The following OR2V2 variants were observed in gnomAD, a reference collection of about 807,000 sequenced individuals.
The protein encoded by OR2V2 is olfactory receptor 2V2.
For synonymous variants in OR2V2, 161 were observed against 151.3 expected (o/e 1.06, Z -0.47); for missense variants, 392 against 392.2 (o/e 1.00, Z 0.00).
At chr5:181,153,376 G>A (rs1375015283) in intron 1 of OR2V2, among the ~76,000 whole-genome samples, 1 of 152,092 alleles carries the variant, frequency 6.6e-6, no homozygotes, top group African/African-American at 2.4e-5. Context: ...GGTGCCTCTC[G>A]ATACTAAGGT....
At position 181,157,500 on chromosome 5, in the gene OR2V2, G is replaced by A. The variant is rs1420858231; in HGVS notation, c.*1610G>A. The A allele has an allele frequency of 6.6e-6, 1 of 152,256 alleles. No homozygotes were observed. Among genetic ancestry groups the A allele is most frequent in the Non-Finnish European group, 1.5e-5 (1 of 68,050 alleles). The allele number at this position is 152,256 out of a possible 1,614,324, so 9.4% of individuals were successfully genotyped here. On this transcript the variant is annotated 3_prime_UTR_variant, in exon 2 of 2. Transcript: ENST00000641492. ...CTGAGATGAGCAAACAACTTCGGAG[G>A]AGGCTCCTTCCCTTGGGGGTTTAAT...
chr5:181,155,409 A>G lies in OR2V2; in HGVS notation c.467A>G (p.Asp156Gly), dbSNP rs573289347. The G allele has an allele frequency of 5.0e-6, 8 of 1,614,188 alleles. No individual in the cohort carries two copies. In the African/African-American group the frequency reaches 9.3e-5, roughly 19 times the overall value. The change falls in exon 2 of 2, where the codon GAT (aspartate) becomes GGT (glycine). Residue 156 changes from aspartate (D) to glycine (G), a missense_variant. Transcript: ENST00000641492. ...AGCTCCTGGGCCTTTGGGATAATCG[A>G]TGGCTTGATCCAGATGGTGGTAGTA... is the stretch of plus-strand genomic sequence containing the variant. ...TGSSWAFGII[D>G]GLIQMVVVMN...
chr5:181,148,242 C>G (rs953122759), intron 1 of OR2V2, among the ~76,000 whole-genome samples: 5 of 152,140 alleles, frequency 3.3e-5, no homozygotes, highest in African/African-American at 1.2e-4. Context: ...GTCTTACTCC[C>G]CTTTTCCTGT....
chr5:181,152,439 C>G (rs4976821), intron 1 of OR2V2, among the ~76,000 whole-genome samples: 34,445 of 152,144 alleles, frequency 0.23, 5,894 homozygotes, highest in African/African-American at 0.48. Flanking sequence ...CTCTGAACAA[C>G]TGGAGATGCT....
In OR2V2 at chr5:181,156,042, C is replaced by CTT. The variant is rs748789897; in HGVS notation, c.*154_*155dup. 4.3e-6 allele frequency: 2 copies of CTT among 468,872 alleles called. No individual in the cohort carries two copies. The highest frequency in any genetic ancestry group is 5.3e-5 in the African/African-American group (2 of 37,486). The allele number at this position is 468,872 out of a possible 1,614,324, so 29.0% of individuals were successfully genotyped here. A position where few individuals can be genotyped will look rare whatever the true frequency, so the allele number is the denominator to read the frequency against. On this transcript the variant is annotated 3_prime_UTR_variant, in exon 2 of 2. Transcript: ENST00000641492. ...GGTCTTTTTAAACACTACATCAGTT[C>CTT]TTTCTTTCTTTCTTTCTTTCTTTCT...
chr5:181,150,239 C>G (rs112354986), intron 1 of OR2V2, among the ~76,000 whole-genome samples: 3 of 152,248 alleles, frequency 2.0e-5, no homozygotes, highest in African/African-American at 4.8e-5. Flanking sequence ...ATCCAAGGCT[C>G]TGCACCTGGG....
chr5:181,150,117 AC>A (rs1763175298), intron 1 of OR2V2, among the ~76,000 whole-genome samples: 1 of 151,798 alleles, frequency 6.6e-6, no homozygotes. Context: ...TCTATAGAAA[AC>A]CCCCACCACA....
Position 181,154,972 on chromosome 5 carries a change from A to G in OR2V2, c.30A>G (p.Thr10=), listed in dbSNP as rs1170809957. The part of the protein sequence containing the change: METWVNQSY[T]DGFFLLGIFS... ...AGACGTGGGTGAACCAGTCCTACAC[A>G]GATGGCTTCTTCCTCTTAGGCATCT... The change falls in exon 2 of 2, where the codon ACA becomes ACG. Residue 10 remains threonine, a synonymous_variant. Coordinates refer to ENST00000641492, the MANE Select transcript of OR2V2 (RefSeq NM_206880.2). 5.0e-6 allele frequency: 8 copies of G among 1,614,180 alleles called. No homozygotes were observed. Among genetic ancestry groups the G allele is most frequent in the African/African-American group, 1.3e-5 (1 of 75,060 alleles).
At chr5:181,153,292 G>A in intron 1 of OR2V2, among the ~76,000 whole-genome samples, 1 of 152,304 alleles carries the variant, frequency 6.6e-6, no homozygotes, top group Non-Finnish European at 1.5e-5. Flanking sequence ...CGTCAAGGAT[G>A]CTTTGTCTTT....
chr5:181,150,977 GA>G lies in OR2V2; in HGVS notation c.-25+2988del, dbSNP rs546460550. The stretch of plus-strand genomic sequence containing the variant: ...CTGGACCACCCTGTCTCGACAACAG[GA>G]AAAAAGCCCCACAGATAAGTAAGCA... On this transcript the variant is annotated intron_variant, in intron 1 of 1. Transcript: ENST00000641492. Among the ~76,000 whole-genome samples the G allele has an allele frequency of 3.4e-4, 52 of 152,218 alleles. 1 individual carries two copies. Among genetic ancestry groups the G allele is most frequent in the Admixed American group, 3.1e-3 (48 of 15,286 alleles).
intron 1 of OR2V2, among the ~76,000 whole-genome samples, chr5:181,149,663 C>T (rs1763169198): frequency 6.6e-6 from 1 of 152,212 alleles, no homozygotes; most frequent in Non-Finnish European, 1.5e-5. Context: ...CCGCGGAGGA[C>T]ACAGCTATGT....
intron 1 of OR2V2, among the ~76,000 whole-genome samples, chr5:181,154,546 C>T (rs1210655766): frequency 4.0e-5 from 6 of 150,546 alleles, no homozygotes; most frequent in Non-Finnish European, 5.9e-5. Flanking sequence ...GCAGAGATCT[C>T]GCCACTGCAC....
At chr5:181,148,362 T>C (rs998412263) in intron 1 of OR2V2, among the ~76,000 whole-genome samples, 1 of 151,918 alleles carries the variant, frequency 6.6e-6, no homozygotes, top group Non-Finnish European at 1.5e-5. Flanking sequence ...GGTGAAGGGA[T>C]AGGAAGGAGG....
intron 1 of OR2V2, among the ~76,000 whole-genome samples, chr5:181,150,958 C>T (rs773671749): frequency 1.9e-4 from 29 of 152,180 alleles, no homozygotes; most frequent in Non-Finnish European, 3.5e-4. Flanking sequence ...CACCCTGGAC[C>T]ACCCTGTCTC....
At position 181,155,645 on chromosome 5, in the gene OR2V2, T is replaced by C; in HGVS notation, c.703T>C (p.Trp235Arg). Residue 235 changes from tryptophan (W) to arginine (R), a missense_variant, in exon 2 of 2, where the codon TGG (tryptophan) becomes CGG (arginine). Coordinates refer to ENST00000641492, the MANE Select transcript of OR2V2 (RefSeq NM_206880.2). ...GCTGCAAATGCACTCTGCTCAGGCC[T>C]GGAAAAAGGCCCTGGCCACCTGCTC... The part of the protein sequence containing the change: ...TVLQMHSAQA[W>R]KKALATCSSH... 1 of 1,614,154 alleles carries C rather than the reference T, an allele frequency of 6.2e-7. No individual in the cohort carries two copies. The highest frequency in any genetic ancestry group is 8.5e-7 in the Non-Finnish European group (1 of 1,180,014).
In OR2V2 at chr5:181,155,710, CATG is replaced by C. The variant is rs774600605; in HGVS notation, c.769_771del (p.Met257del). ...CTGTCACCCTCTTCTATGGGGCAGC[CATG>C]TTCATCTACCTGAGGCCTAGGCACT... On this transcript the variant is annotated inframe_deletion, in exon 2 of 2. Transcript: ENST00000641492. 4.2e-5 allele frequency: 68 copies of C among 1,614,078 alleles called. No individual in the cohort carries two copies. Among genetic ancestry groups the C allele is most frequent in the Non-Finnish European group, 5.3e-5 (62 of 1,180,040 alleles).
chr5:181,155,374 G>A lies in OR2V2; in HGVS notation c.432G>A (p.Gln144=). 2 of 1,614,184 alleles carry A rather than the reference G, an allele frequency of 1.2e-6. No individual in the cohort carries two copies. Residue 144 remains glutamine, a synonymous_variant, in exon 2 of 2, where the codon CAG becomes CAA. Transcript: ENST00000641492. ...PILMNQRVCL[Q]ITGSSWAFGI... ...TCATGAATCAGAGGGTCTGTCTCCAGATTACTGGGAGCTCCTGGGCCTTTG... is the reference window on the plus strand; with the variant it reads ...TCATGAATCAGAGGGTCTGTCTCCAAATTACTGGGAGCTCCTGGGCCTTTG...
Position 181,157,899 on chromosome 5 carries a change from C to T in OR2V2, c.*2009C>T, listed in dbSNP as rs1763285910. 6.6e-6 allele frequency: 1 copy of T among 152,166 alleles called. No homozygotes were observed. Among genetic ancestry groups the T allele is most frequent in the African/African-American group, 2.4e-5 (1 of 41,412 alleles). The allele number at this position is 152,166 out of a possible 1,614,324, so 9.4% of individuals were successfully genotyped here. A position where few individuals can be genotyped will look rare whatever the true frequency, so the allele number is the denominator to read the frequency against. On this transcript the variant is annotated 3_prime_UTR_variant, in exon 2 of 2. Coordinates refer to ENST00000641492, the MANE Select transcript of OR2V2 (RefSeq NM_206880.2). ...CTCTTTATCTATAGCCACTGAACCCCTAGACTGGAAGAAAATTTAGAGCAA... is the reference window on the plus strand; with the variant it reads ...CTCTTTATCTATAGCCACTGAACCCTTAGACTGGAAGAAAATTTAGAGCAA...
At position 181,158,014 on chromosome 5, in the gene OR2V2, T is replaced by C. The variant is rs1763287007; in HGVS notation, c.*2124T>C. ...CCAGCCTTTACCTTATCTAGTCCCA[T>C]GATGGGGAAATTCCTATTTCATTTT... On this transcript the variant is annotated 3_prime_UTR_variant, in exon 2 of 2. Coordinates refer to ENST00000641492, the MANE Select transcript of OR2V2 (RefSeq NM_206880.2). 1 of 152,222 alleles carries C rather than the reference T, an allele frequency of 6.6e-6. No homozygotes were observed. The highest frequency in any genetic ancestry group is 1.5e-5 in the Non-Finnish European group (1 of 68,038). The allele number at this position is 152,222 out of a possible 1,614,324, so 9.4% of individuals were successfully genotyped here.
Sources: gnomAD v4.1 joint callset for allele counts (sites outside exome capture counted in the v4.1 genomes callset) on GRCh38, gnomAD v4.1.1 for gene constraint, MANE v1.5 for transcripts, NCBI Gene and HGNC (gene_info 2026-07-23, HGNC 2026-07-21) for gene names.